Variants in SEMA5A observed in about 807,000 individuals in gnomAD.
The protein encoded by SEMA5A is semaphorin 5A.
Under a neutral mutation model 135.5 loss-of-function variants are expected in SEMA5A, and 55 were observed. The ratio of observed to expected loss-of-function variants is 0.41; its 90% CI spans 0.33 to 0.51. The LOEUF (loss-of-function observed/expected upper bound fraction) is 0.51. Ranked by LOEUF, SEMA5A falls within the 20% of genes least tolerant of loss-of-function variation. The probability of loss-of-function intolerance (pLI) is 0.37; values close to 1 mark genes in which losing one functional copy is unlikely to be tolerated. For synonymous variants in SEMA5A, 580 were observed against 546.5 expected (o/e 1.06, Z -0.85); for missense variants, 1,290 against 1,419.9 (o/e 0.91, Z 1.47).
chr5:9,224,545 G>A (rs561966016), intron 8 of SEMA5A, 129 bp downstream of exon 8: 7 of 805,996 alleles, frequency 8.7e-6, no homozygotes, highest in African/African-American at 3.4e-5. Context: ...CTGAACAAGC[G>A]ACACTTTGAT....
intron 11 of SEMA5A, among the ~76,000 whole-genome samples, chr5:9,179,330 C>T (rs1271002271): frequency 6.6e-6 from 1 of 152,152 alleles, no homozygotes; most frequent in Non-Finnish European, 1.5e-5. Flanking sequence ...AGGGCAACTT[C>T]CAGTCAATAC....
intron 11 of SEMA5A, among the ~76,000 whole-genome samples, chr5:9,160,548 G>A (rs1743196961): frequency 6.6e-6 from 1 of 152,166 alleles, no homozygotes; most frequent in Non-Finnish European, 1.5e-5. Context: ...ACCAACTCTC[G>A]AACAAGCAAA....
chr5:9,242,675 C>T (rs778315955), intron 5 of SEMA5A, among the ~76,000 whole-genome samples: 1 of 152,010 alleles, frequency 6.6e-6, no homozygotes, highest in Non-Finnish European at 1.5e-5. Context: ...GTATACTGCT[C>T]GGGCGATGGG....
At chr5:9,179,282 A>C (rs1744375208) in intron 11 of SEMA5A, among the ~76,000 whole-genome samples, 1 of 152,180 alleles carries the variant, frequency 6.6e-6, no homozygotes, top group African/African-American at 2.4e-5. Flanking sequence ...TTATTTACTT[A>C]TGTATTTTTT....
At chr5:9,374,083 G>A (rs1755255104) in intron 3 of SEMA5A, among the ~76,000 whole-genome samples, 1 of 152,180 alleles carries the variant, frequency 6.6e-6, no homozygotes, top group Non-Finnish European at 1.5e-5. Context: ...ACATATGTGT[G>A]AACGGTGCAT....
At chr5:9,347,327 A>G (rs932118178) in intron 3 of SEMA5A, among the ~76,000 whole-genome samples, 2 of 152,212 alleles carry the variant, frequency 1.3e-5, no homozygotes, top group Admixed American at 1.3e-4. Flanking sequence ...CATTTCTCAC[A>G]TGTTCATTGT....
chr5:9,304,262 T>C (rs1329331128), intron 5 of SEMA5A, among the ~76,000 whole-genome samples: 1 of 152,144 alleles, frequency 6.6e-6, no homozygotes, highest in East Asian at 1.9e-4. Flanking sequence ...TTTCTCTTTG[T>C]TAAACTTGTG....
chr5:9,062,109 G>A (rs145567300), intron 18 of SEMA5A, among the ~76,000 whole-genome samples: 2 of 152,226 alleles, frequency 1.3e-5, no homozygotes, highest in East Asian at 1.9e-4. Context: ...CATATCCTTC[G>A]AGTAGCTCAT....
At chr5:9,497,450 A>G (rs1271418231) in intron 1 of SEMA5A, among the ~76,000 whole-genome samples, 2 of 152,208 alleles carry the variant, frequency 1.3e-5, no homozygotes, top group Admixed American at 6.5e-5. Flanking sequence ...AACTAGCCAG[A>G]GCTTCAGATA....
chr5:9,399,110 A>G (rs1344034588), intron 2 of SEMA5A, among the ~76,000 whole-genome samples: 2 of 152,216 alleles, frequency 1.3e-5, no homozygotes, highest in African/African-American at 4.8e-5. Context: ...TATCTAAGAG[A>G]AAGAAAATAT....
chr5:9,330,406 G>A (rs1478407166), intron 4 of SEMA5A, among the ~76,000 whole-genome samples: 76 of 136,622 alleles, frequency 5.6e-4, no homozygotes, highest in African/African-American at 2.3e-3. Context: ...AAAAAAAAAA[G>A]TACAGATTAG....
chr5:9,270,139 C>T (rs560836930), intron 5 of SEMA5A, among the ~76,000 whole-genome samples: 1 of 152,202 alleles, frequency 6.6e-6, no homozygotes, highest in East Asian at 1.9e-4. Context: ...TGTGATCTGC[C>T]CGCAGGAGAA....
At chr5:9,085,166 A>T (rs1038278420) in intron 16 of SEMA5A, among the ~76,000 whole-genome samples, 1 of 152,220 alleles carries the variant, frequency 6.6e-6, no homozygotes, top group African/African-American at 2.4e-5. Context: ...GGCAGAACAT[A>T]AAAGTTTGGA....
At chr5:9,166,130 G>A (rs576071588) in intron 11 of SEMA5A, among the ~76,000 whole-genome samples, 11 of 152,224 alleles carry the variant, frequency 7.2e-5, no homozygotes, top group Admixed American at 2.6e-4. Flanking sequence ...AAATCACAAA[G>A]TATTAATATT....
intron 16 of SEMA5A, among the ~76,000 whole-genome samples, chr5:9,081,110 G>A (rs557968690): frequency 2.2e-4 from 33 of 152,236 alleles, no homozygotes; most frequent in African/African-American, 6.3e-4. Flanking sequence ...AGCAGAGAAC[G>A]CCACCCTCTA....
At chr5:9,172,836 T>C (rs995411683) in intron 11 of SEMA5A, among the ~76,000 whole-genome samples, 1 of 152,244 alleles carries the variant, frequency 6.6e-6, no homozygotes, top group African/African-American at 2.4e-5. Flanking sequence ...TCAATTTTAA[T>C]TCCTCAAAGA....
chr5:9,079,047 T>C (rs1031707359), intron 16 of SEMA5A, among the ~76,000 whole-genome samples: 5 of 152,142 alleles, frequency 3.3e-5, no homozygotes, highest in African/African-American at 1.2e-4. Flanking sequence ...GTGAATCGCA[T>C]GGCTTAAATA....
chr5:9,224,870 C>T lies in SEMA5A; in HGVS notation c.450G>A (p.Glu150=), dbSNP rs1021476167. 1.2e-6 allele frequency: 2 copies of T among 1,612,974 alleles called. No individual in the cohort carries two copies. The highest frequency in any genetic ancestry group is 1.7e-6 in the Non-Finnish European group (2 of 1,179,620). ...CCATGCCACTGATCTGATCATGGAT[C>T]TCAGTCAGGTTGCTCAACTGTGGGG... ...CTNRSLSNLT[E]IHDQISGMAR... The change falls in exon 8 of 23, where the codon GAG becomes GAA. Residue 150 remains glutamate, a synonymous_variant. Coordinates refer to ENST00000382496, the MANE Select transcript of SEMA5A (RefSeq NM_003966.3).
intron 17 of SEMA5A, among the ~76,000 whole-genome samples, chr5:9,065,763 C>CT (rs1341296016): frequency 6.6e-6 from 1 of 152,170 alleles, no homozygotes; most frequent in Non-Finnish European, 1.5e-5. Context: ...GGCTCAATTC[C>CT]TTTTTCTGCA....
Sources: allele counts gnomAD v4.1 joint callset (sites outside exome capture counted in the v4.1 genomes callset), GRCh38; gene constraint gnomAD v4.1.1; transcripts MANE v1.5; gene names NCBI Gene and HGNC (gene_info 2026-07-23, HGNC 2026-07-21).